Variants in PDE1C observed in about 807,000 individuals in gnomAD.
The protein encoded by PDE1C is dual specificity calcium/calmodulin-dependent 3',5'-cyclic nucleotide phosphodiesterase 1C.
PDE1C carries 62 observed loss-of-function variants against 93.1 expected under a neutral mutation model. The ratio of observed to expected loss-of-function variants is 0.67; its 90% CI spans 0.54 to 0.82. PDE1C has a LOEUF of 0.82. PDE1C is among the 40% of genes least tolerant of loss of function. The pLI is 0.00. For synonymous variants in PDE1C, 325 were observed against 310.1 expected (o/e 1.05, Z -0.50); for missense variants, 742 against 884.6 (o/e 0.84, Z 2.04).
At chr7:32,294,738 G>A (rs1562657484) in intron 1 of PDE1C, among the ~76,000 whole-genome samples, 3 of 152,306 alleles carry the variant, frequency 2.0e-5, no homozygotes, top group South Asian at 4.1e-4. Flanking sequence ...GAAATACAAG[G>A]TACTGCACCT....
chr7:31,617,946 G>A, the PDE1C span, among the ~76,000 whole-genome samples: 7 of 152,172 alleles, frequency 4.6e-5, no homozygotes, highest in Admixed American at 4.6e-4. Context: ...TAAAGAAAAT[G>A]GTAGGAAATG....
intron 1 of PDE1C, among the ~76,000 whole-genome samples, chr7:32,064,003 C>T (rs764780931): frequency 7.9e-5 from 12 of 152,108 alleles, no homozygotes; most frequent in Non-Finnish European, 1.0e-4. Context: ...ATATGCTGAA[C>T]GATCTGGCAA....
chr7:32,235,515 G>A (rs189731112), intron 1 of PDE1C, among the ~76,000 whole-genome samples: 69 of 151,790 alleles, frequency 4.5e-4, no homozygotes, highest in Middle Eastern at 3.4e-3. Context: ...TACTAACAGT[G>A]GACAATTGGA....
chr7:32,411,637 C>T (rs1162961404), intron 1 of PDE1C, among the ~76,000 whole-genome samples: 1 of 152,186 alleles, frequency 6.6e-6, no homozygotes, highest in Non-Finnish European at 1.5e-5. Context: ...CTGTATACTA[C>T]TGTAGACTTC....
intron 1 of PDE1C, among the ~76,000 whole-genome samples, chr7:32,400,462 C>T (rs185640502): frequency 6.6e-6 from 1 of 152,312 alleles, no homozygotes; most frequent in East Asian, 1.9e-4. Context: ...ACGGAAAATA[C>T]TGCAGGCTAG....
At chr7:31,904,367 A>T (rs1435092063) in intron 2 of PDE1C, among the ~76,000 whole-genome samples, 7 of 151,920 alleles carry the variant, frequency 4.6e-5, no homozygotes, top group Non-Finnish European at 8.8e-5. Flanking sequence ...AAATAAAAAA[A>T]AAATCTATAT....
chr7:32,019,597 C>T (rs989943111), intron 2 of PDE1C, among the ~76,000 whole-genome samples: 4 of 152,092 alleles, frequency 2.6e-5, no homozygotes, highest in Admixed American at 2.0e-4. Context: ...CAAATGGAAG[C>T]AAATACCTAA....
At chr7:31,971,860 T>C (rs1811008802) in intron 2 of PDE1C, among the ~76,000 whole-genome samples, 1 of 152,226 alleles carries the variant, frequency 6.6e-6, no homozygotes, top group Admixed American at 6.5e-5. Context: ...CTTTACCCAC[T>C]GGTTTCCTGT....
the PDE1C span, among the ~76,000 whole-genome samples, chr7:31,694,213 A>G: frequency 6.6e-6 from 1 of 152,202 alleles, no homozygotes; most frequent in African/African-American, 2.4e-5. Context: ...AAGAACACTC[A>G]GGACTGGAGT....
chr7:31,988,789 G>T (rs929755593), intron 2 of PDE1C, among the ~76,000 whole-genome samples: 25 of 152,160 alleles, frequency 1.6e-4, no homozygotes, highest in African/African-American at 6.0e-4. Context: ...GAGGTCAGGA[G>T]ATTGAGACCA....
rs148506588 is a variant in PDE1C, at chr7:31,810,823, T to C, written c.1814-1715A>G. Among the ~76,000 whole-genome samples, 29 of 152,272 alleles carry C rather than the reference T, an allele frequency of 1.9e-4. 1 individual carries two copies. The East Asian group carries it at 5.6e-3, about 29-fold the overall frequency. On this transcript the variant is annotated intron_variant, in intron 15 of 17. Transcript: ENST00000396191. ...AGATTTCAGACTTCTGTTTACTATT[T>C]CCATTTCTAAATGCCTTTGGCCTAT...
At chr7:31,731,236 C>T in the PDE1C span, among the ~76,000 whole-genome samples, 2 of 152,124 alleles carry the variant, frequency 1.3e-5, no homozygotes, top group Non-Finnish European at 2.9e-5. Context: ...CCTCACCAAG[C>T]TCACAGGAAC....
chr7:32,117,504 G>A (rs17339606), intron 3 of PDE1C, among the ~76,000 whole-genome samples: 49,062 of 152,042 alleles, frequency 0.32, 8,682 homozygotes, highest in South Asian at 0.41. Context: ...TAAGCCTTCT[G>A]ACTACAGTAT....
intron 1 of PDE1C, among the ~76,000 whole-genome samples, chr7:32,220,973 A>G (rs559420723): frequency 6.6e-6 from 1 of 152,306 alleles, no homozygotes; most frequent in East Asian, 1.9e-4. Flanking sequence ...GCAGTTCTCC[A>G]AAAGAAAGGA....
At chr7:32,237,290 C>T (rs1050245417) in intron 1 of PDE1C, among the ~76,000 whole-genome samples, 4 of 147,398 alleles carry the variant, frequency 2.7e-5, no homozygotes, top group Non-Finnish European at 6.0e-5. Context: ...GGTTTCACAG[C>T]GTTAGCTAGG....
chr7:31,833,862 G>A (rs1790740767), intron 11 of PDE1C, among the ~76,000 whole-genome samples: 1 of 152,230 alleles, frequency 6.6e-6, no homozygotes, highest in Non-Finnish European at 1.5e-5. Flanking sequence ...CCAGCCTGCT[G>A]CACAAATTTG....
At chr7:31,839,433 CATATATA>C (rs1311167118) in intron 9 of PDE1C, among the ~76,000 whole-genome samples, 1 of 138,146 alleles carries the variant, frequency 7.2e-6, no homozygotes, top group African/African-American at 2.8e-5. Context: ...CACACACACA[CATATATA>C]ATACAAAATG....
chr7:32,307,876 T>C (rs1249280982), intron 1 of PDE1C, among the ~76,000 whole-genome samples: 1 of 152,138 alleles, frequency 6.6e-6, no homozygotes, highest in African/African-American at 2.4e-5. Flanking sequence ...TGCCAGATAG[T>C]GGGTGCAGGA....
chr7:32,045,847 C>T (rs915091163), intron 2 of PDE1C, among the ~76,000 whole-genome samples: 7 of 152,202 alleles, frequency 4.6e-5, no homozygotes, highest in Non-Finnish European at 1.0e-4. Flanking sequence ...TAACCACTCG[C>T]CTTCCCTCCC....
Sources: gnomAD v4.1 joint callset for allele counts (sites outside exome capture counted in the v4.1 genomes callset) on GRCh38, gnomAD v4.1.1 for gene constraint, MANE v1.5 for transcripts, NCBI Gene and HGNC (gene_info 2026-07-23, HGNC 2026-07-21) for gene names.